The following ACVR1C variants were observed in gnomAD, a reference collection of about 807,000 sequenced individuals.
ACVR1C encodes the protein activin A receptor type 1C.
Under a neutral mutation model 57.9 loss-of-function variants are expected in ACVR1C, and 23 were observed. The observed-to-expected ratio is 0.40, with a 90% CI of 0.29 to 0.56. ACVR1C has a LOEUF of 0.56. ACVR1C is among the 20% of genes least tolerant of loss of function. ACVR1C has a pLI of 0.50. For synonymous variants in ACVR1C, 214 were observed against 215.3 expected (o/e 0.99, Z 0.05); for missense variants, 480 against 607.9 (o/e 0.79, Z 2.21).
intron 1 of ACVR1C, among the ~76,000 whole-genome samples, chr2:157,612,278 G>C (rs924449962): frequency 7.9e-5 from 12 of 152,180 alleles, no homozygotes; most frequent in African/African-American, 2.7e-4. Context: ...CCCCAAAACA[G>C]AGGCTACATT....
chr2:157,609,693 TA>T (rs1427802399), intron 1 of ACVR1C, among the ~76,000 whole-genome samples: 1 of 152,070 alleles, frequency 6.6e-6, no homozygotes, highest in African/African-American at 2.4e-5. Context: ...TTTATCCCTT[TA>T]AAATTATATA....
chr2:157,534,126 G>A, intron 8 of ACVR1C, 83 bp from the exon 9 acceptor site: 5 of 1,221,220 alleles, frequency 4.1e-6, no homozygotes, highest in Non-Finnish European at 4.2e-6. Context: ...ATAAATCCAG[G>A]AATTGATGCT....
At chr2:157,570,747 C>G (rs1688498049) in intron 2 of ACVR1C, among the ~76,000 whole-genome samples, 1 of 70,224 alleles carries the variant, frequency 1.4e-5, no homozygotes, top group Non-Finnish European at 3.1e-5. Context: ...ATTCCACGCT[C>G]ATGGGTAGGA....
chr2:157,588,150 T>C (rs566762452), intron 1 of ACVR1C, among the ~76,000 whole-genome samples: 53 of 152,014 alleles, frequency 3.5e-4, no homozygotes, highest in African/African-American at 1.3e-3. Flanking sequence ...GAATTTAGAA[T>C]ATCTATACCA....
At chr2:157,608,876 T>C (rs1006380810) in intron 1 of ACVR1C, among the ~76,000 whole-genome samples, 1 of 151,902 alleles carries the variant, frequency 6.6e-6, no homozygotes, top group Non-Finnish European at 1.5e-5. Context: ...TTTCTTAGTC[T>C]AGTTAACAGT....
chr2:157,617,503 C>T (rs1009461042), intron 1 of ACVR1C, among the ~76,000 whole-genome samples: 1 of 151,998 alleles, frequency 6.6e-6, no homozygotes, highest in Non-Finnish European at 1.5e-5. Context: ...TGAGGAATAA[C>T]TGGGTAGAGA....
At chr2:157,582,308 T>A (rs968542924) in intron 2 of ACVR1C, among the ~76,000 whole-genome samples, 31 of 152,148 alleles carry the variant, frequency 2.0e-4, no homozygotes, top group Admixed American at 3.9e-4. Context: ...AATTTTTTTT[T>A]AATTAAAAAC....
At chr2:157,627,765 C>T (rs1404685663) in intron 1 of ACVR1C, among the ~76,000 whole-genome samples, 1 of 152,130 alleles carries the variant, frequency 6.6e-6, no homozygotes, top group Non-Finnish European at 1.5e-5. Flanking sequence ...CTGCATAATC[C>T]AGGACAATGT....
chr2:157,595,180 TC>T, intron 1 of ACVR1C, among the ~76,000 whole-genome samples: 1 of 152,246 alleles, frequency 6.6e-6, no homozygotes, highest in Admixed American at 6.5e-5. Flanking sequence ...GTGTGGATTC[TC>T]TTAAAACATC....
chr2:157,538,730 C>A, intron 7 of ACVR1C, 27 bp from the exon 8 acceptor site: 1 of 1,446,546 alleles, frequency 6.9e-7, no homozygotes, highest in South Asian at 1.7e-5. Context: ...TAATAAATTT[C>A]CATGTGCAAA....
chr2:157,566,038 T>G (rs1444140531), intron 2 of ACVR1C, among the ~76,000 whole-genome samples: 1 of 152,226 alleles, frequency 6.6e-6, no homozygotes, highest in Non-Finnish European at 1.5e-5. Context: ...TAATCAGTTT[T>G]CTTAATTTCA....
chr2:157,556,463 TA>T (rs1255120823), intron 2 of ACVR1C, 131 bp from the exon 3 acceptor site: 1 of 1,197,708 alleles, frequency 8.3e-7, no homozygotes, highest in Non-Finnish European at 1.2e-6. Context: ...TGTTCATTGG[TA>T]AAGGCTCTCT....
At chr2:157,613,396 G>A (rs963401583) in intron 1 of ACVR1C, among the ~76,000 whole-genome samples, 7 of 151,988 alleles carry the variant, frequency 4.6e-5, no homozygotes, top group Admixed American at 4.6e-4. Context: ...TTTTAATACT[G>A]TATTGGTTTT....
rs1473095757 is a variant in ACVR1C, at chr2:157,610,121, T to C, written c.73+18451A>G. ...GTTATTTCTCTTCCAAATATGTGTG[T>C]GTTTGTCATGTCAGTGAGTTTTATA... On this transcript the variant is annotated intron_variant, in intron 1 of 8. Transcript: ENST00000243349. Among the ~76,000 whole-genome samples, 58 of 152,098 alleles carry C rather than the reference T, an allele frequency of 3.8e-4. 1 individual carries two copies. Among genetic ancestry groups the C allele is most frequent in the Admixed American group, 3.6e-3 (55 of 15,270 alleles).
At chr2:157,599,189 C>G (rs1682214912) in intron 1 of ACVR1C, among the ~76,000 whole-genome samples, 1 of 151,630 alleles carries the variant, frequency 6.6e-6, no homozygotes, top group Non-Finnish European at 1.5e-5. Flanking sequence ...CAAAAATTAG[C>G]CAGGCGTGGT....
chr2:157,556,457 C>A, intron 2 of ACVR1C, 125 bp from the exon 3 acceptor site: 1 of 1,256,674 alleles, frequency 8.0e-7, no homozygotes, highest in African/African-American at 1.5e-5. Flanking sequence ...CACTTATGTT[C>A]ATTGGTAAAG....
intron 1 of ACVR1C, among the ~76,000 whole-genome samples, chr2:157,622,994 C>T (rs986695088): frequency 6.6e-6 from 1 of 152,068 alleles, no homozygotes; most frequent in Non-Finnish European, 1.5e-5. Flanking sequence ...AAATGGCAAA[C>T]AGCACATGAA....
intron 2 of ACVR1C, among the ~76,000 whole-genome samples, chr2:157,580,998 G>C (rs527847660): frequency 6.6e-6 from 1 of 152,256 alleles, no homozygotes; most frequent in Non-Finnish European, 1.5e-5. Flanking sequence ...CACTACAAGT[G>C]TGTATCCCTT....
At chr2:157,588,258 CACACACACAA>C (rs1688974988) in intron 1 of ACVR1C, among the ~76,000 whole-genome samples, 3 of 151,790 alleles carry the variant, frequency 2.0e-5, no homozygotes, top group African/African-American at 4.8e-5. Flanking sequence ...CACACACACA[CACACACACAA>C]ACACATTCAC....
Sources: allele counts gnomAD v4.1 joint callset (sites outside exome capture counted in the v4.1 genomes callset), GRCh38; gene constraint gnomAD v4.1.1; transcripts MANE v1.5; gene names NCBI Gene and HGNC (gene_info 2026-07-23, HGNC 2026-07-21).